The following CHD5 variants were observed in gnomAD, a reference collection of about 807,000 sequenced individuals.
CHD5 encodes the protein chromodomain helicase DNA binding protein 5.
A neutral mutation model predicts 230.3 loss-of-function variants in CHD5; 69 were observed. The observed-to-expected ratio is 0.30, with a 90% confidence interval of 0.25 to 0.37. The LOEUF is 0.37. CHD5 is among the 10% of genes least tolerant of loss of function. The pLI, the probability that CHD5 is intolerant of heterozygous loss-of-function variation, is 1.00. For missense variants in CHD5, 1,827 were observed against 2,622.8 expected (o/e 0.70, Z 6.63); for synonymous variants, 1,064 against 1,065.9 (o/e 1.00, Z 0.03).
rs763516028 is a variant in CHD5, at chr1:6,128,063, G to C, written c.3886C>G (p.Arg1296Gly). ...SSFKVAQYVV[R>G]EEDGVEEVER... ...GACCTTACCACGCCGTCCTCCTCGC[G>C]CACCACGTACTGCGCCACCTTGAAG... Residue 1296 changes from arginine (R) to glycine (G), a missense_variant, in exon 25 of 42, where the codon CGC becomes GGC. Transcript: ENST00000262450. The surrounding 1 kb of genome is among the most constrained non-coding windows in gnomAD (Gnocchi z 7.8). 1.2e-6 allele frequency: 2 copies of C among 1,610,448 alleles called. No homozygotes were observed. The highest frequency in any genetic ancestry group is 3.4e-5 in the Admixed American group (2 of 59,630).
chr1:6,141,606 C>CA (rs986367906), intron 15 of CHD5, among the ~76,000 whole-genome samples: 7 of 151,622 alleles, frequency 4.6e-5, no homozygotes, highest in Non-Finnish European at 8.8e-5. Context: ...TACAGTGTCT[C>CA]AAAAAAATAA....
chr1:6,108,517 G>A (rs1666233736), intron 38 of CHD5, among the ~76,000 whole-genome samples: 1 of 148,130 alleles, frequency 6.8e-6, no homozygotes, highest in African/African-American at 2.5e-5. Context: ...TGATGGAGAT[G>A]ATGAAGGGAT....
At position 6,151,129 on chromosome 1, in the gene CHD5, C is replaced by G. The variant is rs138530067; in HGVS notation, c.897G>C (p.Ser299=). 5.0e-6 allele frequency: 8 copies of G among 1,608,448 alleles called. No individual in the cohort carries two copies. In the Admixed American group the frequency reaches 1.3e-4, roughly 27 times the overall value. Residue 299 remains serine, a synonymous_variant, in exon 7 of 42, where the codon TCG becomes TCC. Transcript: ENST00000262450. ...TGTGGATGCTGGCGCTGTCGAAGTC[C>G]GACTCCTCCCTCTCATCTTCTTCAC... is the stretch of plus-strand genomic sequence containing the variant. ...SSSEEDEREE[S]DFDSASIHSA...
chr1:6,152,363 C>A, intron 6 of CHD5, 49 bp downstream of exon 6: 1 of 1,579,430 alleles, frequency 6.3e-7, no homozygotes, highest in Non-Finnish European at 8.6e-7. Flanking sequence ...CATGTGCAGA[C>A]ACACATGCAT....
chr1:6,137,944 G>A (rs548344973), intron 15 of CHD5, among the ~76,000 whole-genome samples: 1 of 149,194 alleles, frequency 6.7e-6, no homozygotes, highest in South Asian at 2.2e-4. Context: ...CCTGGTGGGG[G>A]CCTGGACCTG....
intron 33 of CHD5, among the ~76,000 whole-genome samples, chr1:6,118,234 G>A (rs1034522838): frequency 6.6e-6 from 1 of 151,820 alleles, no homozygotes; most frequent in East Asian, 1.9e-4. Context: ...AAATTAGCCG[G>A]GCGTGTTAGC....
Position 6,131,783 on chromosome 1 carries a change from G to T in CHD5, c.3145-35C>A, listed in dbSNP as rs780160807. On this transcript the variant is annotated intron_variant, in intron 20 of 41. Transcript: ENST00000262450. The surrounding 1 kb of genome is among the most constrained non-coding windows in gnomAD (Gnocchi z 5.0). ...AGACGGGCACGTGAGGAACTGCCAA[G>T]GAGCAAGGGGCCCCATGGGCCATGG... is the stretch of plus-strand genomic sequence containing the variant. 8 of 1,454,542 alleles carry T rather than the reference G, an allele frequency of 5.5e-6. No homozygotes were observed. The South Asian group carries it at 9.2e-5, about 17-fold the overall frequency. 90.1% of individuals were successfully genotyped at this position (1,454,542 alleles called of 1,614,324 possible).
In CHD5 at chr1:6,112,975, T is replaced by C. The variant is rs1666317080; in HGVS notation, c.4936A>G (p.Lys1646Glu). ...PREEVLPEKE[K>E]ILDKLELSLI... ...CTCAGCTCCAGCTTGTCCAGGATCTTCTCCTTCTCAGGAAGCACCTCCTCT... is the reference window on the plus strand; with the variant it reads ...CTCAGCTCCAGCTTGTCCAGGATCTCCTCCTTCTCAGGAAGCACCTCCTCT... Residue 1646 changes from lysine to glutamate, a missense_variant, in exon 34 of 42, where the codon AAG becomes GAG. Lys to Glu is a moderately conservative substitution (Grantham distance 56). This residue lies in a region of CHD5 where 272 missense variants were observed against 263.2 expected (regional missense o/e 1.03). Coordinates refer to ENST00000262450, the MANE Select transcript of CHD5 (RefSeq NM_015557.3). The C allele has an allele frequency of 1.2e-6, 2 of 1,613,706 alleles. No individual in the cohort carries two copies. Among genetic ancestry groups the C allele is most frequent in the Non-Finnish European group, 1.7e-6 (2 of 1,179,818 alleles).
intron 1 of CHD5, among the ~76,000 whole-genome samples, chr1:6,170,462 C>T (rs1033672863): frequency 1.3e-5 from 2 of 152,178 alleles, no homozygotes; most frequent in African/African-American, 4.8e-5. Flanking sequence ...GCGGACGCCC[C>T]TCCCACCCTT....
rs111561200 is a variant in CHD5, at chr1:6,132,880, T to TTCTCTCTCTCTCTCTC, written c.3145-1148_3145-1133dup. Among the ~76,000 whole-genome samples, 310 of 144,512 alleles carry TTCTCTCTCTCTCTCTC rather than the reference T, an allele frequency of 2.1e-3. 1 individual carries two copies. The highest frequency in any genetic ancestry group is 6.6e-3 in the African/African-American group (259 of 39,150). 94.8% of individuals were successfully genotyped at this position (144,512 alleles called of 152,430 possible). ...AGTCTTTTCAGGCTATCCTATTCTTTTCTCTCTCTCTCTCTCTCTCTCTCT... is the reference window on the plus strand; with the variant it reads ...AGTCTTTTCAGGCTATCCTATTCTTTTCTCTCTCTCTCTCTCTCTCTCTCTCTCTCTCTCTCTCTCT... On this transcript the variant is annotated intron_variant, in intron 20 of 41. Coordinates refer to ENST00000262450, the MANE Select transcript of CHD5 (RefSeq NM_015557.3).
Position 6,130,402 on chromosome 1 carries a change from G to C in CHD5, c.3263-74C>G. ...GGGTGGGCAGAAAGGATGGGGGAGA[G>C]AACAGAGAGAAGGAACTGCAGCAAC... On this transcript the variant is annotated intron_variant, in intron 21 of 41. Coordinates refer to ENST00000262450, the MANE Select transcript of CHD5 (RefSeq NM_015557.3). The surrounding 1 kb of genome is among the most constrained non-coding windows in gnomAD (Gnocchi z 4.9). The C allele has an allele frequency of 1.5e-6, 2 of 1,368,104 alleles. No individual in the cohort carries two copies. Among genetic ancestry groups the C allele is most frequent in the Non-Finnish European group, 2.0e-6 (2 of 981,060 alleles). The allele number at this position is 1,368,104 out of a possible 1,614,324, so 84.7% of individuals were successfully genotyped here.
intron 3 of CHD5, among the ~76,000 whole-genome samples, chr1:6,156,885 G>A (rs981434717): frequency 1.3e-5 from 2 of 152,222 alleles, no homozygotes; most frequent in Non-Finnish European, 2.9e-5. Flanking sequence ...GCTCAGAAAG[G>A]GAGGTGCCGG....
At position 6,125,356 on chromosome 1, in the gene CHD5, G is replaced by A. The variant is rs1048916617; in HGVS notation, c.4261-123C>T. 79 of 1,217,330 alleles carry A rather than the reference G, an allele frequency of 6.5e-5. No individual in the cohort carries two copies. The African/African-American group carries it at 1.0e-3, about 16-fold the overall frequency. The allele number at this position is 1,217,330 out of a possible 1,614,324, so 75.4% of individuals were successfully genotyped here. The stretch of plus-strand genomic sequence containing the variant: ...GTAGGAAGGGGGCACAGAGAAGGCA[G>A]GGGCCTCCACCTGGGGCAGGACCCT... On this transcript the variant is annotated intron_variant, in intron 28 of 41. Coordinates refer to ENST00000262450, the MANE Select transcript of CHD5 (RefSeq NM_015557.3). The surrounding 1 kb of genome is among the most constrained non-coding windows in gnomAD (Gnocchi z 6.7).
At chr1:6,109,705 C>A (rs1166746294) in intron 38 of CHD5, 90 bp downstream of exon 38, 1 of 1,128,506 alleles carries the variant, frequency 8.9e-7, no homozygotes, top group Non-Finnish European at 1.3e-6. Context: ...CCAGCCCCTA[C>A]CCCATCAGTG....
Position 6,121,124 on chromosome 1 carries a change from G to A in CHD5, c.4893C>T (p.Ser1631=), listed in dbSNP as rs947206224. The A allele has an allele frequency of 6.2e-7, 1 of 1,607,166 alleles. No homozygotes were observed. Among genetic ancestry groups the A allele is most frequent in the East Asian group, 2.2e-5 (1 of 44,820 alleles). ...CCCAACCTCTCGGCAGCTGCTCCGG[G>A]GAGGGCGGGGCCTTCTCCGTCTCCT... ...RPEETEKAPP[S]PEQLPREEVL... is the part of the protein sequence containing the mutation. Residue 1631 remains serine (S), a synonymous_variant, in exon 33 of 42, where the codon TCC becomes TCT. Transcript: ENST00000262450. This position sits in a 1 kb window ranked among gnomAD's most constrained non-coding sequence, Gnocchi z 4.5.
chr1:6,172,597 T>G (rs56932423), intron 1 of CHD5, among the ~76,000 whole-genome samples: 37,139 of 151,962 alleles, frequency 0.24, 7,704 homozygotes, highest in African/African-American at 0.57. Context: ...AAGCTGCCAC[T>G]GTTTGAACAC....
At chr1:6,135,448 G>C (rs191074900) in intron 17 of CHD5, 45 bp from the exon 18 acceptor site, 41 of 1,541,980 alleles carry the variant, frequency 2.7e-5, no homozygotes, top group Non-Finnish European at 3.4e-5. Context: ...GAGGACCGGG[G>C]CAGGGGAGGC....
intron 11 of CHD5, among the ~76,000 whole-genome samples, chr1:6,145,445 TG>T (rs1409539048): frequency 6.6e-6 from 1 of 152,224 alleles, no homozygotes; most frequent in Non-Finnish European, 1.5e-5. Flanking sequence ...GCAGGTACTC[TG>T]GGCCCCACCC....
intron 36 of CHD5, among the ~76,000 whole-genome samples, chr1:6,110,965 C>T (rs1312765884): frequency 3.3e-5 from 5 of 152,288 alleles, no homozygotes; most frequent in African/African-American, 4.8e-5. Flanking sequence ...CATGGTGGCT[C>T]GCGCCTGTAA....
Sources: allele counts gnomAD v4.1 joint callset (sites outside exome capture counted in the v4.1 genomes callset), GRCh38; gene constraint gnomAD v4.1.1; regional missense constraint gnomAD v4.1.1; non-coding constraint Gnocchi (gnomAD v3.1); transcripts MANE v1.5; gene names NCBI Gene and HGNC (gene_info 2026-07-23, HGNC 2026-07-21).